Variants in RALGPS1 observed in about 807,000 individuals in gnomAD.
RALGPS1 encodes Ral GEF with PH domain and SH3 binding motif 1.
Under a neutral mutation model 78.8 loss-of-function variants are expected in RALGPS1, and 19 were observed. That is an observed-to-expected ratio of 0.24 (90% CI 0.17 to 0.35). The LOEUF is 0.35. RALGPS1 is among the 10% of genes least tolerant of loss of function. RALGPS1 has a pLI of 1.00. For synonymous variants in RALGPS1, 228 were observed against 256.3 expected (o/e 0.89, Z 1.06); for missense variants, 454 against 688.3 (o/e 0.66, Z 3.81).
intron 1 of RALGPS1, among the ~76,000 whole-genome samples, chr9:126,939,530 C>A (rs1292332919): frequency 6.6e-6 from 1 of 152,198 alleles, no homozygotes; most frequent in Non-Finnish European, 1.5e-5. Flanking sequence ...CTCCTGAGCA[C>A]CAGCTGTTGC....
At chr9:127,120,606 G>A (rs529117780) in intron 8 of RALGPS1, among the ~76,000 whole-genome samples, 35 of 152,320 alleles carry the variant, frequency 2.3e-4, no homozygotes, top group African/African-American at 7.2e-4. Context: ...GGCGGATCAC[G>A]AGGTCAGGAG....
At chr9:127,030,086 G>A (rs538631804) in intron 4 of RALGPS1, among the ~76,000 whole-genome samples, 9 of 152,204 alleles carry the variant, frequency 5.9e-5, no homozygotes, top group South Asian at 4.1e-4. Context: ...TGTTGTTAAC[G>A]TGTTTTTTAT....
chr9:126,921,349 C>G (rs2034732019), intron 1 of RALGPS1, among the ~76,000 whole-genome samples: 1 of 152,320 alleles, frequency 6.6e-6, no homozygotes, highest in African/African-American at 2.4e-5. Context: ...TCCCCACTTT[C>G]TGCGTGAGCT....
Position 127,049,761 on chromosome 9 carries a change from G to A in RALGPS1, c.301-282G>A, listed in dbSNP as rs78714634. Among the ~76,000 whole-genome samples, 64 of 152,268 alleles carry A rather than the reference G, an allele frequency of 4.2e-4. No individual in the cohort carries two copies. In the East Asian group the frequency reaches 7.5e-3, roughly 18 times the overall value. On this transcript the variant is annotated intron_variant, in intron 5 of 18. Coordinates refer to ENST00000259351, the MANE Select transcript of RALGPS1 (RefSeq NM_014636.3). ...TTCCCAGCAACTCTTCTCGAGACTCGTGTCACGGAGGCCCAGCGCTCCCTG... is the reference window on the plus strand; with the variant it reads ...TTCCCAGCAACTCTTCTCGAGACTCATGTCACGGAGGCCCAGCGCTCCCTG...
At chr9:126,948,659 A>G (rs1338925980) in intron 1 of RALGPS1, among the ~76,000 whole-genome samples, 1 of 152,136 alleles carries the variant, frequency 6.6e-6, no homozygotes, top group Non-Finnish European at 1.5e-5. Context: ...TTCAGCATAC[A>G]GAGCCTGGGA....
chr9:127,156,806 AC>A (rs2058728836), intron 8 of RALGPS1, among the ~76,000 whole-genome samples: 1 of 151,966 alleles, frequency 6.6e-6, no homozygotes, highest in Admixed American at 6.6e-5. Context: ...GCCTTTGCGT[AC>A]CTCAGCATTA....
intron 10 of RALGPS1, among the ~76,000 whole-genome samples, chr9:127,172,109 T>C (rs1278449396): frequency 6.6e-6 from 1 of 152,226 alleles, no homozygotes. Flanking sequence ...TTAGCTGCGT[T>C]TCATCAGGAA....
chr9:127,131,665 C>T (rs766659508), intron 8 of RALGPS1, among the ~76,000 whole-genome samples: 1 of 152,214 alleles, frequency 6.6e-6, no homozygotes, highest in Non-Finnish European at 1.5e-5. Flanking sequence ...AGACTTCAGT[C>T]TCTACAGCTT....
intron 14 of RALGPS1, chr9:127,210,875 GAC>G (rs1469713506): frequency 2.1e-5 from 23 of 1,089,798 alleles, no homozygotes; most frequent in Non-Finnish European, 2.9e-5. Context: ...GAAAGAAACA[GAC>G]ACAGCCTTTG....
At chr9:127,120,650 G>A (rs925744478) in intron 8 of RALGPS1, among the ~76,000 whole-genome samples, 4 of 152,066 alleles carry the variant, frequency 2.6e-5, no homozygotes, top group African/African-American at 4.8e-5. Context: ...GGTGAAACCC[G>A]TCTCTACTGA....
At chr9:127,006,536 A>G (rs2043859576) in intron 4 of RALGPS1, among the ~76,000 whole-genome samples, 1 of 152,254 alleles carries the variant, frequency 6.6e-6, no homozygotes, top group African/African-American at 2.4e-5. Flanking sequence ...CCACTGTTAC[A>G]TTCAATAATG....
At chr9:126,968,785 A>T (rs1350939192) in intron 3 of RALGPS1, among the ~76,000 whole-genome samples, 1 of 152,362 alleles carries the variant, frequency 6.6e-6, no homozygotes, top group East Asian at 1.9e-4. Context: ...GCGGTGGCTC[A>T]TGCCTATAAT....
intron 5 of RALGPS1, among the ~76,000 whole-genome samples, chr9:127,049,584 G>A (rs527650372): frequency 6.6e-6 from 1 of 152,178 alleles, no homozygotes; most frequent in African/African-American, 2.4e-5. Flanking sequence ...TTATCTTAGG[G>A]CTGGCTGGGG....
intron 8 of RALGPS1, among the ~76,000 whole-genome samples, chr9:127,158,285 CA>C (rs2058816825): frequency 6.6e-6 from 1 of 151,874 alleles, no homozygotes; most frequent in Admixed American, 6.6e-5. Flanking sequence ...AAAGTAATGG[CA>C]ATTACTTTTG....
rs1373535077 is a variant in RALGPS1 at position 127,091,528 on chromosome 9, G to A, written c.610+22172G>A. The A allele has an allele frequency of 1.8e-6, 2 of 1,132,492 alleles. No homozygotes were observed. Among genetic ancestry groups the A allele is most frequent in the Non-Finnish European group, 2.5e-6 (2 of 797,984 alleles). 70.2% of individuals were successfully genotyped at this position (1,132,492 alleles called of 1,614,324 possible). On this transcript the variant is annotated intron_variant, in intron 8 of 18. Transcript: ENST00000259351. This position sits in a 1 kb window ranked among gnomAD's most constrained non-coding sequence, Gnocchi z 4.3. The stretch of plus-strand genomic sequence containing the variant: ...TGGGCAGGAGAAGGGACCCTCAGGG[G>A]GTGGTAACAGGGTCAGGCAGCTTGG...
Position 127,221,892 on chromosome 9 carries a change from C to T in RALGPS1, c.*3123C>T, listed in dbSNP as rs1242275571. ...ATCTGCTCTGTTCCTCAGGTGGGGC[C>T]CAGAGCCCTTCCCCGAGACTGCTGA... On this transcript the variant is annotated 3_prime_UTR_variant, in exon 19 of 19. Coordinates refer to ENST00000259351, the MANE Select transcript of RALGPS1 (RefSeq NM_014636.3). 1 of 152,110 alleles carries T rather than the reference C, an allele frequency of 6.6e-6. No homozygotes were observed. The highest frequency in any genetic ancestry group is 1.5e-5 in the Non-Finnish European group (1 of 68,022). The allele number at this position is 152,110 out of a possible 1,614,324, so 9.4% of individuals were successfully genotyped here.
At chr9:127,166,655 A>G (rs1177993603) in intron 9 of RALGPS1, among the ~76,000 whole-genome samples, 1 of 152,150 alleles carries the variant, frequency 6.6e-6, no homozygotes, top group African/African-American at 2.4e-5. Context: ...AGAGAGAACC[A>G]TATATGGGTG....
chr9:127,196,401 C>T, intron 12 of RALGPS1, 73 bp from the exon 13 acceptor site: 1 of 1,527,242 alleles, frequency 6.5e-7, no homozygotes, highest in Non-Finnish European at 8.9e-7. Context: ...TCTGCTCCGG[C>T]CCCAGGCAGG....
chr9:127,062,799 C>T (rs1035202328), intron 7 of RALGPS1, among the ~76,000 whole-genome samples: 3 of 152,172 alleles, frequency 2.0e-5, no homozygotes, highest in African/African-American at 4.8e-5. Flanking sequence ...GTGTTACATG[C>T]GATAGTCTCC....
Sources: gnomAD v4.1 joint callset for allele counts (sites outside exome capture counted in the v4.1 genomes callset) on GRCh38, gnomAD v4.1.1 for gene constraint, Gnocchi (gnomAD v3.1) non-coding constraint, MANE v1.5 for transcripts, NCBI Gene and HGNC (gene_info 2026-07-23, HGNC 2026-07-21) for gene names.